TXNDC16: variants seen among roughly 807,000 people sequenced by gnomAD.
TXNDC16 encodes thioredoxin domain-containing protein 16.
Under a neutral mutation model 85.6 loss-of-function variants are expected in TXNDC16, and 74 were observed. The observed-to-expected ratio is 0.86, with a 90% CI of 0.72 to 1.05. TXNDC16 has a LOEUF of 1.05. Ranked by LOEUF, TXNDC16 falls within the 50% of genes least tolerant of loss-of-function variation. The pLI is 0.00. For synonymous variants in TXNDC16, 335 were observed against 326.5 expected, an observed-to-expected ratio of 1.03 and a Z score of -0.28; for missense variants, 959 against 947.0, an observed-to-expected ratio of 1.01 and a Z score of -0.17.
chr14:52,551,140 C>T (rs1444247535), intron 1 of TXNDC16, among the ~76,000 whole-genome samples: 1 of 152,044 alleles, frequency 6.6e-6, no homozygotes, highest in Non-Finnish European at 1.5e-5. Flanking sequence ...ATAAAGAACT[C>T]AAACCACACT....
At chr14:52,523,794 A>T (rs1411156281) in intron 6 of TXNDC16, among the ~76,000 whole-genome samples, 1 of 151,980 alleles carries the variant, frequency 6.6e-6, no homozygotes, top group South Asian at 2.1e-4. Context: ...ATGACCTTAA[A>T]ATTTAAGAGT....
intron 9 of TXNDC16, among the ~76,000 whole-genome samples, chr14:52,494,260 A>C (rs576144677): frequency 6.6e-6 from 1 of 152,184 alleles, no homozygotes; most frequent in South Asian, 2.1e-4. Context: ...CCTGAGTGTC[A>C]GTAGGACCCG....
At chr14:52,507,993 A>ACATGGG (rs2036854402) in intron 9 of TXNDC16, among the ~76,000 whole-genome samples, 1 of 152,248 alleles carries the variant, frequency 6.6e-6, no homozygotes. Context: ...ACCATTTAGG[A>ACATGGG]CATGGGCATG....
At chr14:52,489,125 C>T (rs2036344865) in intron 11 of TXNDC16, among the ~76,000 whole-genome samples, 1 of 152,092 alleles carries the variant, frequency 6.6e-6, no homozygotes, top group African/African-American at 2.4e-5. Flanking sequence ...TACAATTTTA[C>T]TGCAAATAGA....
chr14:52,493,302 A>G (rs1430995243), intron 9 of TXNDC16, among the ~76,000 whole-genome samples: 1 of 151,708 alleles, frequency 6.6e-6, no homozygotes, highest in Non-Finnish European at 1.5e-5. Context: ...CAAATTCTAA[A>G]TTGTGAATAG....
intron 14 of TXNDC16, among the ~76,000 whole-genome samples, chr14:52,471,817 C>T (rs966802488): frequency 2.0e-5 from 3 of 151,760 alleles, no homozygotes; most frequent in African/African-American, 7.3e-5. Flanking sequence ...GAAATTCCTA[C>T]TTGCTCTATA....
chr14:52,487,271 A>C (rs2036292656), intron 12 of TXNDC16, among the ~76,000 whole-genome samples: 1 of 152,228 alleles, frequency 6.6e-6, no homozygotes, highest in Admixed American at 6.5e-5. Context: ...TCGGAAAAGA[A>C]CCAGAGCTCT....
intron 9 of TXNDC16, among the ~76,000 whole-genome samples, chr14:52,494,446 A>G (rs2036485763): frequency 6.6e-6 from 1 of 152,236 alleles, no homozygotes; most frequent in Non-Finnish European, 1.5e-5. Flanking sequence ...AACAGCCAGC[A>G]AGAAAACAGA....
At chr14:52,479,920 A>G (rs1405627392) in intron 14 of TXNDC16, among the ~76,000 whole-genome samples, 1 of 152,022 alleles carries the variant, frequency 6.6e-6, no homozygotes, top group East Asian at 1.9e-4. Context: ...ATTTGAAACT[A>G]TAAGGCCAGA....
rs773027284 is a variant in TXNDC16 at position 52,514,959 on chromosome 14, C to T, written c.526G>A (p.Val176Ile). 4.3e-6 allele frequency: 7 copies of T among 1,611,612 alleles called. No individual in the cohort carries two copies. In the Admixed American group the frequency reaches 1.2e-4, roughly 27 times the overall value. ...CCATACACAAAAGCGGCTTCCATGA[C>T]TGCTCTGTGCTCTGAAGAAGAGATA... ...RAIGIPEHRAVMEAAFVYGTT... is the reference protein window; with the variant it reads ...RAIGIPEHRAIMEAAFVYGTT... The change falls in exon 8 of 21, where the codon GTC becomes ATC. Residue 176 changes from valine (V) to isoleucine (I), a missense_variant. By Grantham distance (29) the Val-to-Ile change is conservative (BLOSUM62 3). Coordinates refer to ENST00000281741, the MANE Select transcript of TXNDC16 (RefSeq NM_020784.3).
Position 52,470,619 on chromosome 14 carries a change from C to A in TXNDC16, c.1374G>T (p.Lys458Asn), listed in dbSNP as rs748041381. Residue 458 changes from lysine to asparagine, a missense_variant, in exon 15 of 21, where the codon AAG (lysine) becomes AAT (asparagine). By Grantham distance (94) the Lys-to-Asn change is moderately conservative (BLOSUM62 0). Transcript: ENST00000281741. ...NCADWSDVCT[K>N]QNVTEFPIIK... ...TGATAGGAAATTCAGTAACATTTTG[C>A]TTAGTACATACATCAGACCAATCTG... The A allele has an allele frequency of 1.2e-6, 2 of 1,613,766 alleles. No homozygotes were observed. Among genetic ancestry groups the A allele is most frequent in the South Asian group, 2.2e-5 (2 of 91,048 alleles).
chr14:52,447,964 G>A (rs1450340031), intron 18 of TXNDC16, among the ~76,000 whole-genome samples: 4 of 151,476 alleles, frequency 2.6e-5, no homozygotes. Flanking sequence ...GAATTACTGA[G>A]CTTGAAGACA....
At chr14:52,494,106 G>T (rs138889763) in intron 9 of TXNDC16, among the ~76,000 whole-genome samples, 2 of 151,726 alleles carry the variant, frequency 1.3e-5, no homozygotes, top group Non-Finnish European at 2.9e-5. Context: ...TCTACCATAG[G>T]TAAGTATAGG....
At chr14:52,540,195 T>C (rs1276464447) in intron 4 of TXNDC16, among the ~76,000 whole-genome samples, 1 of 152,244 alleles carries the variant, frequency 6.6e-6, no homozygotes, top group Non-Finnish European at 1.5e-5. Flanking sequence ...ACGTAGCCCA[T>C]TTATATTTTA....
chr14:52,454,370 G>A (rs1470420232), intron 18 of TXNDC16, among the ~76,000 whole-genome samples: 1 of 150,036 alleles, frequency 6.7e-6, no homozygotes, highest in Non-Finnish European at 1.5e-5. Flanking sequence ...AGGTTGCAGT[G>A]AGCCGAGATC....
chr14:52,475,516 G>T (rs960632906), intron 14 of TXNDC16, among the ~76,000 whole-genome samples: 1 of 152,128 alleles, frequency 6.6e-6, no homozygotes, highest in Non-Finnish European at 1.5e-5. Flanking sequence ...TTTGGGTTGT[G>T]TGGGAGCTGG....
Position 52,543,486 on chromosome 14 carries a change from T to C in TXNDC16, c.72A>G (p.Thr24=), listed in dbSNP as rs1200587036. The change falls in exon 3 of 21, where the codon ACA becomes ACG. Residue 24 remains threonine (T), a synonymous_variant. Coordinates refer to ENST00000281741, the MANE Select transcript of TXNDC16 (RefSeq NM_020784.3). The part of the protein sequence containing the change: ...FVIMCIFYMP[T]VNSLPELSPQ... ...GACTCAGTTCTGGTAAAGAGTTTAC[T>C]GTTGGCATGTAAAAAATGCACATTA... The C allele has an allele frequency of 6.2e-7, 1 of 1,613,702 alleles. No homozygotes were observed. Among genetic ancestry groups the C allele is most frequent in the East Asian group, 2.2e-5 (1 of 44,828 alleles).
In TXNDC16 at chr14:52,439,235, C is replaced by A. The variant is rs756716657; in HGVS notation, c.2163G>T (p.Lys721Asn). The A allele has an allele frequency of 1.2e-6, 2 of 1,613,962 alleles. No homozygotes were observed. Among genetic ancestry groups the A allele is most frequent in the Non-Finnish European group, 1.7e-6 (2 of 1,179,950 alleles). ...GATTTTCTAGTCCTGCTTCTAATTT[C>A]TTCAGCCACAATACAAGGTTTTCTT... is the stretch of plus-strand genomic sequence containing the variant. ...IIEENLVLWL[K>N]KLEAGLENHI... The change falls in exon 20 of 21, where the codon AAG (lysine) becomes AAT (asparagine). Residue 721 changes from lysine (K) to asparagine (N), a missense_variant. Transcript: ENST00000281741.
chr14:52,547,768 G>A (rs1220788772), intron 1 of TXNDC16, among the ~76,000 whole-genome samples: 1 of 152,134 alleles, frequency 6.6e-6, no homozygotes, highest in African/African-American at 2.4e-5. Flanking sequence ...GACCACTGCT[G>A]GGCATTACTC....
Sources: allele counts gnomAD v4.1 joint callset (sites outside exome capture counted in the v4.1 genomes callset), GRCh38; gene constraint gnomAD v4.1.1; transcripts MANE v1.5; gene names NCBI Gene and HGNC (gene_info 2026-07-23, HGNC 2026-07-21).